Variants in TRAF7 observed in about 807,000 individuals in gnomAD.
The protein encoded by TRAF7 is TNF receptor associated factor 7.
In TRAF7, 45 loss-of-function variants were observed where a neutral mutation model predicts 89.3. That is an observed-to-expected ratio of 0.50 (90% CI 0.40 to 0.65). The LOEUF is 0.65. Among genes scored for constraint, TRAF7 ranks in the 30% least tolerant of loss-of-function variants. TRAF7 has a pLI of 0.00. For missense variants in TRAF7, 677 were observed against 918.1 expected (o/e 0.74, Z 3.39); for synonymous variants, 406 against 369.2 (o/e 1.10, Z -1.14).
At chr16:2,164,175 C>CGCGCGCGCACGCGCGCGCGCACGCGT (rs1555465738) in intron 2 of TRAF7, among the ~76,000 whole-genome samples, 174 bp downstream of exon 2, 1 of 119,592 alleles carries the variant, frequency 8.4e-6, no homozygotes, top group Non-Finnish European at 1.7e-5. Flanking sequence ...CGCGCGCGCG[C>CGCGCGCGCACGCGCGCGCGCACGCGT]GCGCGCACGC....
In TRAF7 at chr16:2,158,107, C is replaced by G. The variant is rs530206248; in HGVS notation, c.-39+2249C>G. On this transcript the variant is annotated intron_variant, in intron 1 of 20. Transcript: ENST00000326181. This position sits in a 1 kb window ranked among gnomAD's most constrained non-coding sequence, Gnocchi z 4.7. Reference sequence around the variant, plus strand: ...TGTGGCCTTGACCACGGTGTCACAGCATCTCCTGGATGGACACCCTGCGGG... The same window carrying G: ...TGTGGCCTTGACCACGGTGTCACAGGATCTCCTGGATGGACACCCTGCGGG... Among the ~76,000 whole-genome samples, 2 of 152,198 alleles carry G rather than the reference C, an allele frequency of 1.3e-5. No individual in the cohort carries two copies. The highest frequency in any genetic ancestry group is 2.9e-5 in the Non-Finnish European group (2 of 68,036).
At position 2,176,673 on chromosome 16, in the gene TRAF7, G is replaced by T; in HGVS notation, c.*99G>T. 1.3e-6 allele frequency: 2 copies of T among 1,561,542 alleles called. No individual in the cohort carries two copies. Among genetic ancestry groups the T allele is most frequent in the Non-Finnish European group, 1.8e-6 (2 of 1,138,936 alleles). On this transcript the variant is annotated 3_prime_UTR_variant, in exon 21 of 21. Coordinates refer to ENST00000326181, the MANE Select transcript of TRAF7 (RefSeq NM_032271.3). ...TGGTCTCGGGGTTTCTGCCTGCCCC[G>T]TGGGCATAGGTGGACAGGCTCTGGC...
At position 2,168,143 on chromosome 16, in the gene TRAF7, C is replaced by A; in HGVS notation, c.206C>A (p.Ser69Tyr). Residue 69 changes from serine to tyrosine, a missense_variant, in exon 4 of 21, where the codon TCC becomes TAC. By Grantham distance (144) the Ser-to-Tyr change is moderately radical. This residue lies in a region of TRAF7 where 240 missense variants were observed against 191.9 expected (regional missense o/e 1.25). Coordinates refer to ENST00000326181, the MANE Select transcript of TRAF7 (RefSeq NM_032271.3). This position sits in a 1 kb window ranked among gnomAD's most constrained non-coding sequence, Gnocchi z 4.1. ...TCCTCCTCCAGCACCCTTGCCTACT[C>A]CCCGCGGGACGAGGAGGACAGCATG... is the stretch of plus-strand genomic sequence containing the variant. Reference protein sequence around the residue: ...TPSSSSTLAYSPRDEEDSMPP... With the variant: ...TPSSSSTLAYYPRDEEDSMPP... 1 of 1,612,116 alleles carries A rather than the reference C, an allele frequency of 6.2e-7. No homozygotes were observed. Among genetic ancestry groups the A allele is most frequent in the East Asian group, 2.2e-5 (1 of 44,858 alleles).
At chr16:2,169,833 C>T (rs1365768720) in intron 4 of TRAF7, among the ~76,000 whole-genome samples, 2 of 152,228 alleles carry the variant, frequency 1.3e-5, no homozygotes, top group African/African-American at 4.8e-5. Context: ...CCTCTGTGCT[C>T]TGTGGGTTTC....
chr16:2,161,063 G>A lies in TRAF7; in HGVS notation c.-38-2820G>A, dbSNP rs898988428. 3.3e-5 allele frequency among the ~76,000 whole-genome samples: 5 copies of A among 152,206 alleles called. No individual in the cohort carries two copies. Among genetic ancestry groups the A allele is most frequent in the South Asian group, 2.1e-4 (1 of 4,830 alleles). On this transcript the variant is annotated intron_variant, in intron 1 of 20. Transcript: ENST00000326181. This position sits in a 1 kb window ranked among gnomAD's most constrained non-coding sequence, Gnocchi z 5.2. ...TCCTGCCTTAGGGCGGGACACAAAC[G>A]TTCCCTGGCCTCCAGCCCCAGGGTC...
chr16:2,168,529 T>G lies in TRAF7; in HGVS notation c.231+361T>G, dbSNP rs1361015147. On this transcript the variant is annotated intron_variant, in intron 4 of 20. Transcript: ENST00000326181. This position sits in a 1 kb window ranked among gnomAD's most constrained non-coding sequence, Gnocchi z 4.1. The stretch of plus-strand genomic sequence containing the variant: ...TTTGAAAGCTTCCTTTGCTGCTGGG[T>G]AGGGAATGAGCGGGGTTGCTGGGTC... The G allele has an allele frequency of 9.4e-6, 2 of 211,854 alleles. No individual in the cohort carries two copies. The highest frequency in any genetic ancestry group is 1.5e-4 in the East Asian group (1 of 6,746). 13.1% of individuals were successfully genotyped at this position (211,854 alleles called of 1,614,324 possible). A position where few individuals can be genotyped will look rare whatever the true frequency, so the allele number is the denominator to read the frequency against.
In TRAF7 at chr16:2,177,070, C is replaced by G. The variant is rs2093140285; in HGVS notation, c.*496C>G. The G allele has an allele frequency of 7.1e-6, 2 of 281,194 alleles. No individual in the cohort carries two copies. The highest frequency in any genetic ancestry group is 1.4e-5 in the Non-Finnish European group (2 of 146,838). The allele number at this position is 281,194 out of a possible 1,614,324, so 17.4% of individuals were successfully genotyped here. ...TTTGGTGGACCCCAGGACTTCGGCC[C>G]ACTCCGGGGCCTCCCCTCCCTGCTA... On this transcript the variant is annotated 3_prime_UTR_variant, in exon 21 of 21. Coordinates refer to ENST00000326181, the MANE Select transcript of TRAF7 (RefSeq NM_032271.3).
chr16:2,174,442 C>G, intron 14 of TRAF7, 109 bp downstream of exon 14: 1 of 1,090,534 alleles, frequency 9.2e-7, no homozygotes, highest in East Asian at 2.6e-5. Flanking sequence ...ATGTGTGTGC[C>G]CCACCTATAG....
Position 2,177,478 on chromosome 16 carries a change from G to A in TRAF7, c.*904G>A, listed in dbSNP as rs765869428. ...CCCAACACTGTGGATCAGCAAACAC[G>A]ATAGAGGAGACCAGTCAGTACTTCT... On this transcript the variant is annotated 3_prime_UTR_variant, in exon 21 of 21. Coordinates refer to ENST00000326181, the MANE Select transcript of TRAF7 (RefSeq NM_032271.3). 22 of 233,188 alleles carry A rather than the reference G, an allele frequency of 9.4e-5. No homozygotes were observed. Among genetic ancestry groups the A allele is most frequent in the Non-Finnish European group, 1.7e-4 (20 of 118,114 alleles). The allele number at this position is 233,188 out of a possible 1,614,324, so 14.4% of individuals were successfully genotyped here.
At chr16:2,156,726 T>A (rs1466282537) in intron 1 of TRAF7, among the ~76,000 whole-genome samples, 1 of 16,162 alleles carries the variant, frequency 6.2e-5, no homozygotes, top group Non-Finnish European at 1.2e-4. Context: ...ACAGGGTGCA[T>A]GGTGGGGTGG....
At chr16:2,164,169 CGCGCGCGCGCGCACGCGTGCGT>C (rs1216097438) in intron 2 of TRAF7, among the ~76,000 whole-genome samples, 168 bp downstream of exon 2, 28 of 109,700 alleles carry the variant, frequency 2.6e-4, no homozygotes, top group South Asian at 5.7e-4. Flanking sequence ...TGCGCGCGCG[CGCGCGCGCGCGCACGCGTGCGT>C]GTGTGGTTGG....
At position 2,177,744 on chromosome 16, in the gene TRAF7, C is replaced by G. The variant is rs564269694; in HGVS notation, c.*1170C>G. 1 of 243,922 alleles carries G rather than the reference C, an allele frequency of 4.1e-6. No individual in the cohort carries two copies. Among genetic ancestry groups the G allele is most frequent in the African/African-American group, 2.2e-5 (1 of 45,066 alleles). The allele number at this position is 243,922 out of a possible 1,614,324, so 15.1% of individuals were successfully genotyped here. A position where few individuals can be genotyped will look rare whatever the true frequency, so the allele number is the denominator to read the frequency against. ...CACCCACATTCACCAAACCCACCCGCGCCCTGGGACGCAGCCACGCCAGGA... is the reference window on the plus strand; with the variant it reads ...CACCCACATTCACCAAACCCACCCGGGCCCTGGGACGCAGCCACGCCAGGA... On this transcript the variant is annotated 3_prime_UTR_variant, in exon 21 of 21. Transcript: ENST00000326181.
intron 2 of TRAF7, among the ~76,000 whole-genome samples, chr16:2,165,599 G>A (rs1341570855): frequency 2.9e-5 from 4 of 139,752 alleles, no homozygotes; most frequent in South Asian, 2.3e-4. Context: ...ATGGTTAAGC[G>A]TGTGAGTGCT....
rs2093131874 is a variant in TRAF7, at chr16:2,175,494, C to T, written c.1504-6C>T. The T allele has an allele frequency of 6.2e-7, 1 of 1,613,314 alleles. No individual in the cohort carries two copies. Among genetic ancestry groups the T allele is most frequent in the Non-Finnish European group, 8.5e-7 (1 of 1,179,876 alleles). The stretch of plus-strand genomic sequence containing the variant: ...GCCCAGCCCACAGTTGCAGCAATCC[C>T]TGCAGGTCTGGGACATCGTGGGCAC... On this transcript the variant is annotated splice_polypyrimidine_tract_variant and splice_region_variant and intron_variant, in intron 16 of 20. Transcript: ENST00000326181.
chr16:2,173,704 C>T lies in TRAF7; in HGVS notation c.1087-84C>T, dbSNP rs1171575751. The T allele has an allele frequency of 3.8e-6, 6 of 1,586,152 alleles. No individual in the cohort carries two copies. In the East Asian group the frequency reaches 9.2e-5, roughly 24 times the overall value. ...TGCTGTCACCCCTGCCCACCCCTGGCCCAGGGCAGCAGGGGCAGAGAGGCT... is the reference window on the plus strand; with the variant it reads ...TGCTGTCACCCCTGCCCACCCCTGGTCCAGGGCAGCAGGGGCAGAGAGGCT... On this transcript the variant is annotated intron_variant, in intron 11 of 20. Transcript: ENST00000326181.
chr16:2,160,555 G>A (rs1233542980), intron 1 of TRAF7, among the ~76,000 whole-genome samples: 3 of 131,364 alleles, frequency 2.3e-5, no homozygotes, highest in African/African-American at 6.9e-5. Context: ...GTGGATGGGC[G>A]GGCGGTGTGG....
rs1332914673 is a variant in TRAF7, at chr16:2,162,316, C to T, written c.-38-1567C>T. ...GTGCAGGGAACCAAGGGCTTGAGAG[C>T]CAGCCCCTCCCTGCACACCTGTAGG... is the stretch of plus-strand genomic sequence containing the variant. On this transcript the variant is annotated intron_variant, in intron 1 of 20. Transcript: ENST00000326181. This position sits in a 1 kb window ranked among gnomAD's most constrained non-coding sequence, Gnocchi z 5.0. Among the ~76,000 whole-genome samples, 2 of 152,142 alleles carry T rather than the reference C, an allele frequency of 1.3e-5. No homozygotes were observed. The highest frequency in any genetic ancestry group is 2.9e-5 in the Non-Finnish European group (2 of 68,018).
Position 2,174,239 on chromosome 16 carries a change from T to C in TRAF7, c.1264-12T>C, listed in dbSNP as rs774824091. The C allele has an allele frequency of 1.2e-6, 2 of 1,611,984 alleles. No homozygotes were observed. Among genetic ancestry groups the C allele is most frequent in the South Asian group, 1.1e-5 (1 of 90,998 alleles). On this transcript the variant is annotated splice_polypyrimidine_tract_variant and intron_variant, in intron 13 of 20. Coordinates refer to ENST00000326181, the MANE Select transcript of TRAF7 (RefSeq NM_032271.3). ...ACCTTGCTGGGACCCACTGTGGCCCTGGTCTCTGCAGGTGTGGGACACATG... is the reference window on the plus strand; with the variant it reads ...ACCTTGCTGGGACCCACTGTGGCCCCGGTCTCTGCAGGTGTGGGACACATG...
At position 2,165,065 on chromosome 16, in the gene TRAF7, C is replaced by T. The variant is rs529746102; in HGVS notation, c.82-814C>T. ...GGCCTGGCCTGGTCGCATGCTGAAGCGTGTGAGTGCTGCATGGCCTGGCCT... is the reference window on the plus strand; with the variant it reads ...GGCCTGGCCTGGTCGCATGCTGAAGTGTGTGAGTGCTGCATGGCCTGGCCT... On this transcript the variant is annotated intron_variant, in intron 2 of 20. Transcript: ENST00000326181. 3.3e-5 allele frequency among the ~76,000 whole-genome samples: 4 copies of T among 120,688 alleles called. No individual in the cohort carries two copies. In the South Asian group the frequency reaches 7.4e-4, roughly 22 times the overall value. The allele number at this position is 120,688 out of a possible 152,430, so 79.2% of individuals were successfully genotyped here.
Sources: allele counts gnomAD v4.1 joint callset (sites outside exome capture counted in the v4.1 genomes callset), GRCh38; gene constraint gnomAD v4.1.1; regional missense constraint gnomAD v4.1.1; non-coding constraint Gnocchi (gnomAD v3.1); transcripts MANE v1.5; gene names NCBI Gene and HGNC (gene_info 2026-07-23, HGNC 2026-07-21).